The following ADRA1A variants were observed in gnomAD, a reference collection of about 807,000 sequenced individuals.
ADRA1A encodes alpha-1A adrenergic receptor.
Under a neutral mutation model 29.6 loss-of-function variants are expected in ADRA1A, and 31 were observed. The observed-to-expected ratio is 1.05, with a 90% CI of 0.79 to 1.41. The LOEUF is 1.41. Ranked by LOEUF, ADRA1A falls within the 40% of genes most tolerant of loss-of-function variation. The pLI, the probability that ADRA1A is intolerant of heterozygous loss-of-function variation, is 0.00. For missense variants in ADRA1A, 619 were observed against 601.1 expected (o/e 1.03, Z -0.31); for synonymous variants, 311 against 254.3 (o/e 1.22, Z -2.12).
At chr8:26,797,764 C>T (rs1386124573) in intron 2 of ADRA1A, among the ~76,000 whole-genome samples, 5 of 151,964 alleles carry the variant, frequency 3.3e-5, no homozygotes, top group Admixed American at 6.6e-5. Context: ...GGAATTCCTA[C>T]ATTTGAGTGT....
intron 2 of ADRA1A, among the ~76,000 whole-genome samples, chr8:26,799,252 T>C (rs1487180156): frequency 6.6e-6 from 1 of 152,208 alleles, no homozygotes; most frequent in Non-Finnish European, 1.5e-5. Flanking sequence ...AGTAAACACA[T>C]GAGATGAGCT....
chr8:26,756,317 G>A, downstream of ADRA1A: 1 of 643,660 alleles, frequency 1.6e-6, no homozygotes, highest in Non-Finnish European at 2.3e-6. Flanking sequence ...CATCTCTTAA[G>A]AATATTTTAA....
At chr8:26,797,765 A>G (rs1386601268) in intron 2 of ADRA1A, among the ~76,000 whole-genome samples, 5 of 152,126 alleles carry the variant, frequency 3.3e-5, no homozygotes, top group Non-Finnish European at 7.4e-5. Flanking sequence ...GAATTCCTAC[A>G]TTTGAGTGTT....
At chr8:26,790,589 G>A (rs1017931368) in intron 2 of ADRA1A, among the ~76,000 whole-genome samples, 1 of 152,030 alleles carries the variant, frequency 6.6e-6, no homozygotes, top group African/African-American at 2.4e-5. Context: ...ATTGTTGGAT[G>A]GCTAGAACAG....
chr8:26,794,747 G>A (rs1348053091), intron 2 of ADRA1A, among the ~76,000 whole-genome samples: 1 of 151,984 alleles, frequency 6.6e-6, no homozygotes, highest in Non-Finnish European at 1.5e-5. Flanking sequence ...TAACATCTAA[G>A]GTAGGATTTA....
chr8:26,759,234 C>T (rs1805370298), intron 2 of ADRA1A, among the ~76,000 whole-genome samples: 1 of 152,152 alleles, frequency 6.6e-6, no homozygotes, highest in Admixed American at 6.5e-5. Flanking sequence ...TCAGCTCTCA[C>T]TTGTTGAAGT....
Position 26,860,983 on chromosome 8 carries a change from T to A in ADRA1A, c.883+3104A>T, listed in dbSNP as rs1036692039. Among the ~76,000 whole-genome samples, 2 of 152,202 alleles carry A rather than the reference T, an allele frequency of 1.3e-5. No homozygotes were observed. Among genetic ancestry groups the A allele is most frequent in the Non-Finnish European group, 2.9e-5 (2 of 68,044 alleles). The stretch of plus-strand genomic sequence containing the variant: ...TGTCTATTTTCCCTGTTCCCACTTT[T>A]TTTATCCTTTGTTCTTTCTAGAAAG... On this transcript the variant is annotated intron_variant, in intron 2 of 2. Coordinates refer to ENST00000380573, the MANE Select transcript of ADRA1A (RefSeq NM_000680.4). The surrounding 1 kb of genome is among the most constrained non-coding windows in gnomAD (Gnocchi z 4.7).
At chr8:26,859,126 C>A (rs1306489282) in intron 2 of ADRA1A, 1 of 1,289,798 alleles carries the variant, frequency 7.8e-7, no homozygotes, top group East Asian at 5.5e-5. Context: ...AGTTTTTAAT[C>A]TCTTTCCTCT....
At chr8:26,828,570 T>C (rs1810753244) in intron 2 of ADRA1A, among the ~76,000 whole-genome samples, 1 of 152,244 alleles carries the variant, frequency 6.6e-6, no homozygotes, top group Non-Finnish European at 1.5e-5. Flanking sequence ...GGTTTAAGAA[T>C]GTAGGGCAGA....
At chr8:26,803,427 A>G (rs1808744239) in intron 2 of ADRA1A, among the ~76,000 whole-genome samples, 1 of 152,224 alleles carries the variant, frequency 6.6e-6, no homozygotes, top group Non-Finnish European at 1.5e-5. Context: ...GTGCACAAAA[A>G]TTAATTTGTA....
At chr8:26,820,978 C>T (rs1003575747) in intron 2 of ADRA1A, among the ~76,000 whole-genome samples, 1 of 152,070 alleles carries the variant, frequency 6.6e-6, no homozygotes, top group Non-Finnish European at 1.5e-5. Flanking sequence ...CAACTTCCAC[C>T]TCCTGGGTTC....
At chr8:26,811,242 G>A (rs919146793) in intron 2 of ADRA1A, among the ~76,000 whole-genome samples, 26 of 151,290 alleles carry the variant, frequency 1.7e-4, no homozygotes, top group Middle Eastern at 3.5e-3. Flanking sequence ...GCACAGGCTG[G>A]AGTGCAGTGG....
chr8:26,843,185 G>A (rs1450066187), intron 2 of ADRA1A, among the ~76,000 whole-genome samples: 1 of 152,106 alleles, frequency 6.6e-6, no homozygotes, highest in African/African-American at 2.4e-5. Flanking sequence ...GAAGAAAGTG[G>A]CTCTTCTTCT....
chr8:26,802,698 A>G (rs1015575355), intron 2 of ADRA1A, among the ~76,000 whole-genome samples: 38 of 152,322 alleles, frequency 2.5e-4, no homozygotes, highest in African/African-American at 8.9e-4. Flanking sequence ...GAGCTACCAT[A>G]TGATCCAGCG....
chr8:26,749,170 T>C (rs1389343010), intron 2 of ADRA1A, among the ~76,000 whole-genome samples: 1 of 152,194 alleles, frequency 6.6e-6, no homozygotes, highest in Non-Finnish European at 1.5e-5. Flanking sequence ...TCAAAGTTGT[T>C]TTGTAGGACT....
intron 2 of ADRA1A, among the ~76,000 whole-genome samples, chr8:26,781,161 G>A (rs947477881): frequency 6.6e-6 from 1 of 152,124 alleles, no homozygotes; most frequent in Non-Finnish European, 1.5e-5. Flanking sequence ...ACCATTTTCT[G>A]TGCTTTACTT....
At chr8:26,789,502 T>C (rs1807653422) in intron 2 of ADRA1A, among the ~76,000 whole-genome samples, 1 of 152,084 alleles carries the variant, frequency 6.6e-6, no homozygotes, top group Non-Finnish European at 1.5e-5. Flanking sequence ...TCCCCTTATA[T>C]AAAAATTCAC....
At chr8:26,835,231 A>G (rs1354777786) in intron 2 of ADRA1A, among the ~76,000 whole-genome samples, 1 of 152,166 alleles carries the variant, frequency 6.6e-6, no homozygotes, top group East Asian at 1.9e-4. Flanking sequence ...AAGTAACAAG[A>G]CAATCTTACA....
chr8:26,809,321 C>G (rs1222317440), intron 2 of ADRA1A, among the ~76,000 whole-genome samples: 3 of 152,272 alleles, frequency 2.0e-5, no homozygotes, highest in East Asian at 3.9e-4. Context: ...GAAAAGCCAA[C>G]AGTTTCCAAG....
Sources: allele counts gnomAD v4.1 joint callset (sites outside exome capture counted in the v4.1 genomes callset), GRCh38; gene constraint gnomAD v4.1.1; non-coding constraint Gnocchi (gnomAD v3.1); transcripts MANE v1.5; gene names NCBI Gene and HGNC (gene_info 2026-07-23, HGNC 2026-07-21).